Variants in AGFG1 observed in about 807,000 individuals in gnomAD.
AGFG1 encodes arf-GAP domain and FG repeat-containing protein 1.
A neutral mutation model predicts 60.6 loss-of-function variants in AGFG1; 10 were observed. The ratio of observed to expected loss-of-function variants is 0.16; its 90% confidence interval spans 0.10 to 0.28. The LOEUF is 0.28. Among genes scored for constraint, AGFG1 ranks in the 10% least tolerant of loss-of-function variants. The probability of loss-of-function intolerance (pLI) is 1.00; values close to 1 mark genes in which losing one functional copy is unlikely to be tolerated. For missense variants in AGFG1, 537 were observed against 676.5 expected, an observed-to-expected ratio of 0.79 and a Z score of 2.29; for synonymous variants, 247 against 242.9, an observed-to-expected ratio of 1.02 and a Z score of -0.16.
intron 2 of AGFG1, 57 bp from the exon 3 acceptor site, chr2:227,519,891 A>G: frequency 9.6e-7 from 1 of 1,043,450 alleles, no homozygotes; most frequent in South Asian, 1.5e-5. Context: ...ATCCCCTTAA[A>G]ATTTCATTAA....
At chr2:227,516,240 G>A (rs888562160) in intron 2 of AGFG1, among the ~76,000 whole-genome samples, 2 of 152,196 alleles carry the variant, frequency 1.3e-5, no homozygotes, top group African/African-American at 4.8e-5. Flanking sequence ...TCTACCTAGA[G>A]GGACTGATTT....
rs996513366 is a variant in AGFG1 at position 227,559,295 on chromosome 2, T to C, written c.*4800T>C. The C allele has an allele frequency of 6.6e-6, 1 of 152,206 alleles. No homozygotes were observed. Among genetic ancestry groups the C allele is most frequent in the African/African-American group, 2.4e-5 (1 of 41,460 alleles). 9.4% of individuals were successfully genotyped at this position (152,206 alleles called of 1,614,324 possible). A position where few individuals can be genotyped will look rare whatever the true frequency, so the allele number is the denominator to read the frequency against. On this transcript the variant is annotated 3_prime_UTR_variant, in exon 13 of 13. Transcript: ENST00000310078. ...TTAGTCTCAAACATTCACATGTTTT[T>C]CAAGGCCTTGGAGTTGGCAAATCCT...
chr2:227,542,681 G>C (rs187093200), intron 10 of AGFG1, among the ~76,000 whole-genome samples: 90 of 152,358 alleles, frequency 5.9e-4, no homozygotes, highest in Admixed American at 1.2e-3. Context: ...CATAAAATGA[G>C]TTAGGGAGGA....
chr2:227,491,517 G>A, intron 1 of AGFG1, 30 bp from the exon 2 acceptor site: 1 of 1,450,814 alleles, frequency 6.9e-7, no homozygotes, highest in Non-Finnish European at 9.3e-7. Context: ...GTATGTACTA[G>A]TAAATTTTGT....
At chr2:227,496,045 G>A (rs1490294384) in intron 2 of AGFG1, among the ~76,000 whole-genome samples, 1 of 150,840 alleles carries the variant, frequency 6.6e-6, no homozygotes, top group East Asian at 1.9e-4. Flanking sequence ...TTGAACCTGG[G>A]AGGTGGAGGT....
chr2:227,497,730 G>GTTTTT (rs148621752), intron 2 of AGFG1, among the ~76,000 whole-genome samples: 583 of 38,910 alleles, frequency 0.015, 77 homozygotes, highest in Non-Finnish European at 0.02. Context: ...TTTCTTTCTT[G>GTTTTT]TTTTGTTTTT....
intron 10 of AGFG1, among the ~76,000 whole-genome samples, chr2:227,545,162 T>A (rs1378115255): frequency 6.6e-6 from 1 of 152,236 alleles, no homozygotes; most frequent in African/African-American, 2.4e-5. Context: ...TGTTTCTTTT[T>A]ACTCTTTTTT....
At chr2:227,491,157 T>C (rs1050920472) in intron 1 of AGFG1, among the ~76,000 whole-genome samples, 2 of 152,158 alleles carry the variant, frequency 1.3e-5, no homozygotes, top group African/African-American at 2.4e-5. Flanking sequence ...TCTGGTCTTA[T>C]TATATCATTG....
chr2:227,518,539 T>TA (rs1553544851), intron 2 of AGFG1, among the ~76,000 whole-genome samples: 1 of 145,518 alleles, frequency 6.9e-6, no homozygotes, highest in East Asian at 2.0e-4. Context: ...TTTTTTTTTT[T>TA]AAAGACAGAG....
In AGFG1 at chr2:227,522,920, A is replaced by G. The variant is rs1395437182; in HGVS notation, c.378-843A>G. ...TGGAATCAAATCTGAAAGACCTGTG[A>G]AGTTTCCTCTTTCCATGTCAAAGCA... On this transcript the variant is annotated intron_variant, in intron 3 of 12. Coordinates refer to ENST00000310078, the MANE Select transcript of AGFG1 (RefSeq NM_004504.5). Among the ~76,000 whole-genome samples, 4 of 152,306 alleles carry G rather than the reference A, an allele frequency of 2.6e-5. No homozygotes were observed. The East Asian group carries it at 7.7e-4, about 29-fold the overall frequency.
chr2:227,485,363 A>G (rs1394749532), intron 1 of AGFG1, among the ~76,000 whole-genome samples: 1 of 148,366 alleles, frequency 6.7e-6, no homozygotes, highest in African/African-American at 2.5e-5. Flanking sequence ...AAGCCTCCTG[A>G]GTAGCTAGGA....
intron 2 of AGFG1, among the ~76,000 whole-genome samples, chr2:227,513,638 C>T (rs548184017): frequency 6.6e-5 from 10 of 152,322 alleles, no homozygotes; most frequent in African/African-American, 2.2e-4. Context: ...ACCTATGCTT[C>T]GTAACAGTCT....
At chr2:227,490,038 A>G (rs966873868) in intron 1 of AGFG1, among the ~76,000 whole-genome samples, 2 of 150,742 alleles carry the variant, frequency 1.3e-5, no homozygotes, top group Non-Finnish European at 3.0e-5. Context: ...CTGGTCTTGA[A>G]CTCCTGACCT....
intron 1 of AGFG1, among the ~76,000 whole-genome samples, chr2:227,481,467 T>G (rs539027908): frequency 6.6e-6 from 1 of 152,328 alleles, no homozygotes; most frequent in East Asian, 1.9e-4. Flanking sequence ...TGTATCCAGT[T>G]CCTTCAGTAA....
rs1213012717 is a variant in AGFG1, at chr2:227,533,904, C to T, written c.1024+146C>T. ...GCACTGTCATTTTGAGTAAAATGTT[C>T]ACTTGACACATTTTAGACCTGAAAT... is the stretch of plus-strand genomic sequence containing the variant. On this transcript the variant is annotated intron_variant, in intron 7 of 12. Transcript: ENST00000310078. 161 of 700,818 alleles carry T rather than the reference C, an allele frequency of 2.3e-4. 1 individual carries two copies. Among genetic ancestry groups the T allele is most frequent in the Non-Finnish European group, 2.6e-4 (111 of 428,248 alleles). 43.4% of individuals were successfully genotyped at this position (700,818 alleles called of 1,614,324 possible).
chr2:227,508,136 G>T (rs1691382214), intron 2 of AGFG1: 1 of 152,076 alleles, frequency 6.6e-6, no homozygotes, highest in Admixed American at 6.5e-5. Flanking sequence ...GGCTTGTTTT[G>T]AATTTGTGCT....
In AGFG1 at chr2:227,524,750, T is replaced by C; in HGVS notation, c.541-12T>C. 4 of 1,613,534 alleles carry C rather than the reference T, an allele frequency of 2.5e-6. No individual in the cohort carries two copies. Among genetic ancestry groups the C allele is most frequent in the South Asian group, 1.1e-5 (1 of 91,024 alleles). On this transcript the variant is annotated splice_polypyrimidine_tract_variant and intron_variant, in intron 4 of 12. Transcript: ENST00000310078. ...GACTGGAATATCTTTATAGTTAATA[T>C]GTGGTTTGTAGTCCCCAGTTGTAGG...
intron 10 of AGFG1, 146 bp from the exon 11 acceptor site, chr2:227,551,813 C>A: frequency 1.1e-6 from 1 of 946,768 alleles, no homozygotes; most frequent in Non-Finnish European, 1.6e-6. Context: ...AACTCATTAA[C>A]TTTGTTGGAA....
Position 227,557,057 on chromosome 2 carries a change from A to T in AGFG1, c.*2562A>T, listed in dbSNP as rs558025303. 1 of 152,326 alleles carries T rather than the reference A, an allele frequency of 6.6e-6. No homozygotes were observed. The highest frequency in any genetic ancestry group is 2.1e-4 in the South Asian group (1 of 4,822). The allele number at this position is 152,326 out of a possible 1,614,324, so 9.4% of individuals were successfully genotyped here. On this transcript the variant is annotated 3_prime_UTR_variant, in exon 13 of 13. Coordinates refer to ENST00000310078, the MANE Select transcript of AGFG1 (RefSeq NM_004504.5). ...ATTTAGATTTATTCTAGTTTTATAT[A>T]GACCATCAAAATTATGTTGAGTACT...
Sources: allele counts gnomAD v4.1 joint callset (sites outside exome capture counted in the v4.1 genomes callset), GRCh38; gene constraint gnomAD v4.1.1; transcripts MANE v1.5; gene names NCBI Gene and HGNC (gene_info 2026-07-23, HGNC 2026-07-21).